The following ANO7 variants were observed in gnomAD, a reference collection of about 807,000 sequenced individuals.
ANO7 encodes anoctamin 7, also known as anoctamin-7.
In ANO7, 114 loss-of-function variants were observed where a neutral mutation model predicts 115.8. The observed-to-expected ratio is 0.98, with a 90% confidence interval of 0.85 to 1.15. The LOEUF is 1.15. Ranked by LOEUF, ANO7 falls within the 50% of genes most tolerant of loss-of-function variation. ANO7 has a pLI of 0.00. For missense variants in ANO7, 1,302 were observed against 1,201.2 expected, an observed-to-expected ratio of 1.08 and a Z score of -1.24; for synonymous variants, 550 against 498.2, an observed-to-expected ratio of 1.10 and a Z score of -1.38.
rs946056088 is a variant in ANO7, at chr2:241,209,353, G to A, written c.1146G>A (p.Leu382=). Residue 382 remains leucine (L), a synonymous_variant, in exon 12 of 25, where the codon CTG becomes CTA. Coordinates refer to ENST00000674324, the MANE Select transcript of ANO7 (RefSeq NM_001370694.2). ...FSLFMALWAV[L]LLEYWKRKSA... is the part of the protein sequence containing the mutation. ...TGTTCATGGCACTGTGGGCCGTGCT[G>A]CTGCTGGAGTACTGGAAGCGGAAGA... 19 of 1,579,802 alleles carry A rather than the reference G, an allele frequency of 1.2e-5. No individual in the cohort carries two copies. In the East Asian group the frequency reaches 4.4e-4, roughly 37 times the overall value.
chr2:241,235,053 A>G, the ANO7 span: 34 of 1,570,528 alleles, frequency 2.2e-5, no homozygotes, highest in African/African-American at 4.0e-4. Flanking sequence ...GAACTTCCCT[A>G]GATTCTGACA....
At chr2:241,211,281 G>A (rs923501703) in intron 15 of ANO7, among the ~76,000 whole-genome samples, 1 of 152,066 alleles carries the variant, frequency 6.6e-6, no homozygotes, top group Non-Finnish European at 1.5e-5. Context: ...TCGGCTGCTG[G>A]GCTGGGCAGC....
intron 13 of ANO7, 34 bp from the exon 14 acceptor site, chr2:241,210,236 AGGGTGCTGGGGTGCCCAAGACACCG>A: frequency 6.5e-7 from 1 of 1,550,278 alleles, no homozygotes; most frequent in East Asian, 2.2e-5. Flanking sequence ...CCATGGCCTG[AGGGTGCTGGGGTGCCCAAGACACCG>A]TGAAGGGTCT....
At position 241,210,619 on chromosome 2, in the gene ANO7, G is replaced by T. The variant is rs1217806305; in HGVS notation, c.1561+49G>T. 4 of 1,509,170 alleles carry T rather than the reference G, an allele frequency of 2.7e-6. No individual in the cohort carries two copies. In the South Asian group the frequency reaches 4.5e-5, roughly 17 times the overall value. The allele number at this position is 1,509,170 out of a possible 1,614,324, so 93.5% of individuals were successfully genotyped here. A position where few individuals can be genotyped will look rare whatever the true frequency, so the allele number is the denominator to read the frequency against. ...GCACTGACCAGGGGCCCACCCTGCC[G>T]GCCGCCAGCCAGAACGTGACTTTCT... On this transcript the variant is annotated intron_variant, in intron 15 of 24. Transcript: ENST00000674324.
At chr2:241,210,441 C>A (rs370708771) in intron 14 of ANO7, 27 bp from the exon 15 acceptor site, 5 of 1,613,670 alleles carry the variant, frequency 3.1e-6, no homozygotes, top group Non-Finnish European at 4.2e-6. Context: ...GCCCCTCATC[C>A]GGCTCTGACG....
downstream of ANO7, chr2:241,230,349 G>T: frequency 2.2e-6 from 2 of 913,506 alleles, no homozygotes; most frequent in East Asian, 2.4e-5. The surrounding 1 kb of genome is among the most constrained non-coding windows in gnomAD (Gnocchi z 5.0). Flanking sequence ...TTCTAGTGAA[G>T]CATTTTCTGA....
intron 18 of ANO7, 152 bp from the exon 19 acceptor site, chr2:241,215,941 C>A: frequency 3.2e-6 from 3 of 925,512 alleles, no homozygotes; most frequent in Non-Finnish European, 4.9e-6. Flanking sequence ...GCTCTCACTG[C>A]GTCCACCCCT....
At chr2:241,230,102 C>A (rs1321187626), downstream of ANO7, 1 of 1,590,194 alleles carries the variant, frequency 6.3e-7, no homozygotes, top group Admixed American at 1.7e-5. This position sits in a 1 kb window ranked among gnomAD's most constrained non-coding sequence, Gnocchi z 5.0. Context: ...GGGCCTCAGG[C>A]CGGTGGACGT....
downstream of ANO7, chr2:241,230,692 T>A: frequency 7.1e-7 from 1 of 1,417,328 alleles, no homozygotes; most frequent in Non-Finnish European, 9.8e-7. This position sits in a 1 kb window ranked among gnomAD's most constrained non-coding sequence, Gnocchi z 5.0. Flanking sequence ...CCCTGCTCTT[T>A]CTTCTGGCCA....
intron 14 of ANO7, 25 bp downstream of exon 14, chr2:241,210,418 G>C (rs779815703): frequency 6.2e-7 from 1 of 1,613,864 alleles, no homozygotes; most frequent in Admixed American, 1.7e-5. Flanking sequence ...CCTGCCTCGG[G>C]GGGCCCTGAG....
Position 241,224,285 on chromosome 2 carries a change from C to A in ANO7, c.*132C>A. The A allele has an allele frequency of 2.0e-6, 2 of 1,003,838 alleles. No homozygotes were observed. The highest frequency in any genetic ancestry group is 2.9e-6 in the Non-Finnish European group (2 of 685,994). 62.2% of individuals were successfully genotyped at this position (1,003,838 alleles called of 1,614,324 possible). On this transcript the variant is annotated 3_prime_UTR_variant, in exon 25 of 25. Coordinates refer to ENST00000674324, the MANE Select transcript of ANO7 (RefSeq NM_001370694.2). ...TGCTGTTGTGCCTCATCTCTGGGCA[C>A]ATTGCCTGCTTCCCCCCAGCGCCGG...
At chr2:241,204,046 C>T (rs533578832) in intron 9 of ANO7, among the ~76,000 whole-genome samples, 47 of 152,302 alleles carry the variant, frequency 3.1e-4, no homozygotes, top group Middle Eastern at 3.4e-3. Flanking sequence ...ACAGCCCCAC[C>T]GTGGACCCAG....
intron 3 of ANO7, among the ~76,000 whole-genome samples, chr2:241,193,596 C>G (rs767195416): frequency 1.3e-5 from 2 of 151,754 alleles, no homozygotes; most frequent in African/African-American, 2.4e-5. Flanking sequence ...TTTAAACTTT[C>G]ATATAAAGGT....
downstream of ANO7, among the ~76,000 whole-genome samples, chr2:241,226,573 C>T (rs879469378): frequency 8.6e-5 from 13 of 152,034 alleles, no homozygotes; most frequent in Admixed American, 6.5e-4. Context: ...TACAGGCGCC[C>T]GCCACCACAC....
At chr2:241,202,031 C>T (rs1450348090) in intron 7 of ANO7, among the ~76,000 whole-genome samples, 163 bp from the exon 8 acceptor site, 3 of 152,234 alleles carry the variant, frequency 2.0e-5, no homozygotes, top group Non-Finnish European at 4.4e-5. Flanking sequence ...TGTGCATGTG[C>T]GGTGGTGACA....
At chr2:241,216,957 C>T (rs894325526) in intron 19 of ANO7, among the ~76,000 whole-genome samples, 3 of 152,234 alleles carry the variant, frequency 2.0e-5, no homozygotes, top group African/African-American at 7.2e-5. Flanking sequence ...CCTCAGCCTC[C>T]CGAGTAGCTG....
the ANO7 span, among the ~76,000 whole-genome samples, chr2:241,232,318 C>T: frequency 3.3e-5 from 5 of 151,844 alleles, no homozygotes; most frequent in African/African-American, 1.2e-4. Flanking sequence ...CTCTGTCGCC[C>T]AGGCTGGAGT....
At chr2:241,205,581 C>T (rs2068574522) in intron 10 of ANO7, among the ~76,000 whole-genome samples, 1 of 123,182 alleles carries the variant, frequency 8.1e-6, no homozygotes, top group African/African-American at 3.2e-5. Flanking sequence ...GACAGGTGGA[C>T]AGGAGTGCTC....
At chr2:241,216,339 A>T in intron 19 of ANO7, 101 bp downstream of exon 19, 1 of 1,398,568 alleles carries the variant, frequency 7.2e-7, no homozygotes, top group Non-Finnish European at 9.5e-7. Flanking sequence ...CTGTGTCTGC[A>T]TCTGCCCTGA....
Sources: allele counts gnomAD v4.1 joint callset (sites outside exome capture counted in the v4.1 genomes callset), GRCh38; gene constraint gnomAD v4.1.1; non-coding constraint Gnocchi (gnomAD v3.1); transcripts MANE v1.5; gene names NCBI Gene and HGNC (gene_info 2026-07-23, HGNC 2026-07-21).